Variants in NR5A2 observed in about 807,000 individuals in gnomAD.
NR5A2 encodes the protein CYP7A promoter-binding factor.
NR5A2 carries 26 observed loss-of-function variants against 62.7 expected under a neutral mutation model. That is an observed-to-expected ratio of 0.41 (90% CI 0.30 to 0.58). The LOEUF (loss-of-function observed/expected upper bound fraction) is 0.58. NR5A2 is among the 20% of genes least tolerant of loss of function. The pLI, the probability that NR5A2 is intolerant of heterozygous loss-of-function variation, is 0.22. For missense variants in NR5A2, 541 were observed against 669.1 expected (o/e 0.81, Z 2.11); for synonymous variants, 246 against 241.7 (o/e 1.02, Z -0.16).
chr1:200,075,349 AT>A (rs1663976804), intron 5 of NR5A2, among the ~76,000 whole-genome samples: 1 of 152,230 alleles, frequency 6.6e-6, no homozygotes, highest in Non-Finnish European at 1.5e-5. Flanking sequence ...ATGCAAATTA[AT>A]TTGAAGCATG....
rs67706127 is a variant in NR5A2 at position 200,028,425 on chromosome 1, CA to C, written c.64+532del. Among the ~76,000 whole-genome samples, 584 of 83,610 alleles carry C rather than the reference CA, an allele frequency of 7.0e-3. 5 individuals are homozygous for C. Among genetic ancestry groups the C allele is most frequent in the Middle Eastern group, 0.017 (2 of 116 alleles). The allele number at this position is 83,610 out of a possible 152,430, so 54.9% of individuals were successfully genotyped here. On this transcript the variant is annotated intron_variant, in intron 1 of 7. Coordinates refer to ENST00000367362, the MANE Select transcript of NR5A2 (RefSeq NM_205860.3). ...GGAATGAAAGTCATGCCCCCACCTCCAAAAAAAAAAAAAAAAAACCAAAAAA... is the reference window on the plus strand; with the variant it reads ...GGAATGAAAGTCATGCCCCCACCTCCAAAAAAAAAAAAAAAAACCAAAAAA...
At chr1:200,132,794 G>A (rs1667022438) in intron 7 of NR5A2, among the ~76,000 whole-genome samples, 1 of 108,620 alleles carries the variant, frequency 9.2e-6, no homozygotes, top group Admixed American at 9.4e-5. Flanking sequence ...GAAACTGCAT[G>A]GGATCACCTC....
chr1:200,055,277 C>T (rs558769992), intron 5 of NR5A2, among the ~76,000 whole-genome samples: 1 of 151,986 alleles, frequency 6.6e-6, no homozygotes, highest in East Asian at 1.9e-4. Context: ...CTCACTGCAA[C>T]CTCCACCTCC....
Position 200,174,142 on chromosome 1 carries a change from A to G in NR5A2, c.1558A>G (p.Lys520Glu). The change falls in exon 8 of 8, where the codon AAG becomes GAG. Residue 520 changes from lysine (K) to glutamate (E), a missense_variant. By Grantham distance (56) the Lys-to-Glu change is moderately conservative. Coordinates refer to ENST00000367362, the MANE Select transcript of NR5A2 (RefSeq NM_205860.3). ...GCAGGCTGAAGAATACCTCTACTACAAGCACCTGAACGGGGATGTGCCCTA... is the reference window on the plus strand; with the variant it reads ...GCAGGCTGAAGAATACCTCTACTACGAGCACCTGAACGGGGATGTGCCCTA... Reference protein sequence around the residue: ...SMQAEEYLYYKHLNGDVPYNN... With the variant: ...SMQAEEYLYYEHLNGDVPYNN... 6.2e-7 allele frequency: 1 copy of G among 1,613,712 alleles called. No individual in the cohort carries two copies. The highest frequency in any genetic ancestry group is 1.1e-5 in the South Asian group (1 of 91,040).
At chr1:200,130,406 G>A (rs1313602004) in intron 7 of NR5A2, among the ~76,000 whole-genome samples, 1 of 151,644 alleles carries the variant, frequency 6.6e-6, no homozygotes, top group Non-Finnish European at 1.5e-5. Context: ...TTCATTCACT[G>A]TAAGTCAGAA....
In NR5A2 at chr1:200,131,014, C is replaced by T. The variant is rs537134271; in HGVS notation, c.1378+10059C>T. 5.3e-5 allele frequency among the ~76,000 whole-genome samples: 8 copies of T among 152,316 alleles called. 1 individual carries two copies. In the South Asian group the frequency reaches 1.4e-3, roughly 28 times the overall value. ...ACACTTGTCAAATAACTGCACATAT[C>T]TTCATACTAATGCCTTGCTGATATA... On this transcript the variant is annotated intron_variant, in intron 7 of 7. Coordinates refer to ENST00000367362, the MANE Select transcript of NR5A2 (RefSeq NM_205860.3).
At chr1:200,111,077 T>G in intron 5 of NR5A2, 125 bp from the exon 6 acceptor site, 2 of 1,063,126 alleles carry the variant, frequency 1.9e-6, no homozygotes, top group Non-Finnish European at 2.6e-6. Context: ...TCAGTGACCA[T>G]GGGTGGAGAC....
At chr1:200,090,293 T>TTTG (rs1161749716) in intron 5 of NR5A2, among the ~76,000 whole-genome samples, 6 of 152,200 alleles carry the variant, frequency 3.9e-5, no homozygotes, top group African/African-American at 1.4e-4. Context: ...CCTTTTGGTC[T>TTTG]CAGGACGCTT....
intron 7 of NR5A2, among the ~76,000 whole-genome samples, chr1:200,163,487 T>G (rs1404155953): frequency 1.5e-5 from 2 of 132,462 alleles, no homozygotes; most frequent in Non-Finnish European, 3.3e-5. Flanking sequence ...TTGTTTATTG[T>G]TTTTTTTTTT....
intron 7 of NR5A2, among the ~76,000 whole-genome samples, chr1:200,128,495 G>A (rs556102663): frequency 6.6e-6 from 1 of 152,196 alleles, no homozygotes; most frequent in South Asian, 2.1e-4. Flanking sequence ...CTAGACATTA[G>A]GAAAGCCAAA....
intron 5 of NR5A2, among the ~76,000 whole-genome samples, chr1:200,100,688 T>C: frequency 6.6e-6 from 1 of 152,236 alleles, no homozygotes; most frequent in African/African-American, 2.4e-5. Flanking sequence ...GAACACTCTC[T>C]GTGAGGCTAA....
intron 5 of NR5A2, among the ~76,000 whole-genome samples, chr1:200,092,901 T>TG (rs1664886559): frequency 8.7e-6 from 1 of 114,412 alleles, no homozygotes; most frequent in African/African-American, 3.8e-5. Flanking sequence ...TTTTTTTTTT[T>TG]GAGATGGAGT....
chr1:200,152,519 A>G (rs543733475), intron 7 of NR5A2, among the ~76,000 whole-genome samples: 1 of 152,356 alleles, frequency 6.6e-6, no homozygotes, highest in Non-Finnish European at 1.5e-5. Context: ...GAAATATTAC[A>G]GTAACAAACA....
chr1:200,153,121 T>G (rs1653212659), intron 7 of NR5A2, among the ~76,000 whole-genome samples: 1 of 152,252 alleles, frequency 6.6e-6, no homozygotes, highest in African/African-American at 2.4e-5. Context: ...CTGGCTGGTG[T>G]TTTGCATGTT....
intron 6 of NR5A2, among the ~76,000 whole-genome samples, chr1:200,115,667 G>T (rs576051784): frequency 6.6e-6 from 1 of 152,154 alleles, no homozygotes; most frequent in African/African-American, 2.4e-5. Context: ...ATTAATGACT[G>T]CCCTTTGCAT....
chr1:200,055,817 C>T (rs1662887016), intron 5 of NR5A2, among the ~76,000 whole-genome samples: 1 of 152,192 alleles, frequency 6.6e-6, no homozygotes, highest in Non-Finnish European at 1.5e-5. Context: ...TCTCAAGGCA[C>T]ATTAAGCCAT....
intron 5 of NR5A2, among the ~76,000 whole-genome samples, chr1:200,086,449 A>G (rs1664530279): frequency 6.6e-6 from 1 of 151,992 alleles, no homozygotes; most frequent in African/African-American, 2.4e-5. Context: ...GATTACAGGC[A>G]TGCGCCACCA....
chr1:200,078,848 T>G (rs1664158879), intron 5 of NR5A2, among the ~76,000 whole-genome samples: 1 of 152,224 alleles, frequency 6.6e-6, no homozygotes, highest in East Asian at 1.9e-4. Flanking sequence ...CCTAGCAAAT[T>G]TATAAGCGAT....
chr1:200,108,564 C>T lies in NR5A2; in HGVS notation c.1111-2638C>T, dbSNP rs576165847. ...TTTGGGGATTCTACAGTCCCCCACC[C>T]ACTTAGAAATTTGATGCAACATTAA... On this transcript the variant is annotated intron_variant, in intron 5 of 7. Coordinates refer to ENST00000367362, the MANE Select transcript of NR5A2 (RefSeq NM_205860.3). 6.6e-5 allele frequency among the ~76,000 whole-genome samples: 10 copies of T among 152,246 alleles called. 1 individual carries two copies. The South Asian group carries it at 2.1e-3, about 32-fold the overall frequency.
Sources: gnomAD v4.1 joint callset for allele counts (sites outside exome capture counted in the v4.1 genomes callset) on GRCh38, gnomAD v4.1.1 for gene constraint, MANE v1.5 for transcripts, NCBI Gene and HGNC (gene_info 2026-07-23, HGNC 2026-07-21) for gene names.